The following COLEC10 variants were observed in gnomAD, a reference collection of about 807,000 sequenced individuals.
COLEC10 encodes the protein collectin-10.
A neutral mutation model predicts 28.4 loss-of-function variants in COLEC10; 22 were observed. The ratio of observed to expected loss-of-function variants is 0.78; its 90% CI spans 0.55 to 1.11. The LOEUF (loss-of-function observed/expected upper bound fraction) is 1.11. COLEC10 is among the 50% of genes least tolerant of loss of function. COLEC10 has a pLI of 0.00. For synonymous variants in COLEC10, 125 were observed against 116.1 expected (o/e 1.08, Z -0.49); for missense variants, 361 against 344.1 (o/e 1.05, Z -0.39).
the COLEC10 span, among the ~76,000 whole-genome samples, chr8:118,959,263 G>T: frequency 6.6e-6 from 1 of 152,220 alleles, no homozygotes; most frequent in African/African-American, 2.4e-5. Flanking sequence ...AGCATAGGAT[G>T]AAGATCTGGA....
At chr8:119,032,033 A>T (rs192452975) in intron 2 of COLEC10, among the ~76,000 whole-genome samples, 22 of 152,228 alleles carry the variant, frequency 1.4e-4, no homozygotes, top group African/African-American at 5.1e-4. Flanking sequence ...TCCCCATTTT[A>T]CAGACGGGAA....
At position 119,108,298 on chromosome 8, in the gene COLEC10, A is replaced by T. The variant is rs1186759084; in HGVS notation, c.*2107A>T. On this transcript the variant is annotated 3_prime_UTR_variant, in exon 6 of 6. Coordinates refer to ENST00000332843, the MANE Select transcript of COLEC10 (RefSeq NM_006438.5). ...TAAAGCTCATATGTAAGAAGAGAGG[A>T]AGGAGAGACATGCAGCAAATGTTGC... is the stretch of plus-strand genomic sequence containing the variant. 6.6e-6 allele frequency among the ~76,000 whole-genome samples: 1 copy of T among 152,204 alleles called. No individual in the cohort carries two copies. Among genetic ancestry groups the T allele is most frequent in the Non-Finnish European group, 1.5e-5 (1 of 68,034 alleles).
chr8:119,099,065 T>C (rs1047288447), intron 3 of COLEC10, among the ~76,000 whole-genome samples: 2 of 152,060 alleles, frequency 1.3e-5, no homozygotes, highest in African/African-American at 4.8e-5. Context: ...GTAAATTCCA[T>C]CTCATAGCAA....
At chr8:118,953,270 G>A in the COLEC10 span, among the ~76,000 whole-genome samples, 1 of 152,206 alleles carries the variant, frequency 6.6e-6, no homozygotes, top group Admixed American at 6.5e-5. Context: ...CTCAGTGAGT[G>A]TGGACAAAAT....
chr8:118,974,255 C>G, the COLEC10 span, among the ~76,000 whole-genome samples: 10,429 of 151,756 alleles, frequency 0.069, 632 homozygotes, highest in East Asian at 0.17. Context: ...TAAAAGGAAA[C>G]CTGGAGCAAA....
intron 1 of COLEC10, among the ~76,000 whole-genome samples, chr8:119,072,764 C>T (rs183484985): frequency 2.2e-3 from 331 of 152,262 alleles, no homozygotes; most frequent in African/African-American, 7.3e-3. Flanking sequence ...AAGCTCTGCC[C>T]GGTTGCTGCT....
chr8:118,995,319 G>C (rs749033342), upstream of COLEC10: 1 of 152,160 alleles, frequency 6.6e-6, no homozygotes, highest in Non-Finnish European at 1.5e-5. Flanking sequence ...CACCCAGGCT[G>C]CCAGTAAACT....
At position 119,020,846 on chromosome 8, in the gene COLEC10, T is replaced by C. The variant is rs1281071900; in HGVS notation, n.235+11293T>C. ...CTTAAGAAAATAACCCCTTTTATTA[T>C]GCTATATTTAAATTTATCTAAAAAT... On this transcript the variant is annotated intron_variant and non_coding_transcript_variant, in intron 2 of 6. Transcript: ENST00000521788. 3.9e-5 allele frequency among the ~76,000 whole-genome samples: 6 copies of C among 152,280 alleles called. No individual in the cohort carries two copies. In the East Asian group the frequency reaches 9.6e-4, roughly 24 times the overall value.
At chr8:118,960,313 G>A in the COLEC10 span, among the ~76,000 whole-genome samples, 108 of 152,322 alleles carry the variant, frequency 7.1e-4, no homozygotes, top group African/African-American at 2.6e-3. Context: ...AGGTGCTATT[G>A]TTTTACGGGC....
the COLEC10 span, among the ~76,000 whole-genome samples, chr8:118,960,861 T>C: frequency 1.4e-5 from 2 of 144,368 alleles, no homozygotes; most frequent in Non-Finnish European, 3.0e-5. Context: ...GACCAGACAA[T>C]ATGGATCACC....
the COLEC10 span, among the ~76,000 whole-genome samples, chr8:118,973,614 G>A: frequency 7.2e-5 from 11 of 152,038 alleles, no homozygotes; most frequent in Admixed American, 2.6e-4. Context: ...TCACAGAAGC[G>A]ACATCCCATT....
chr8:119,006,062 T>C (rs1813789410), intron 1 of COLEC10, among the ~76,000 whole-genome samples: 1 of 152,064 alleles, frequency 6.6e-6, no homozygotes, highest in South Asian at 2.1e-4. Flanking sequence ...CATTCATTAA[T>C]GTGACAGTGC....
chr8:119,047,860 A>G (rs886722669), intron 2 of COLEC10, among the ~76,000 whole-genome samples: 3 of 152,190 alleles, frequency 2.0e-5, no homozygotes, highest in African/African-American at 7.2e-5. Flanking sequence ...CTCTCTATAT[A>G]TATGTATGCT....
chr8:118,975,633 G>T, the COLEC10 span, among the ~76,000 whole-genome samples: 1 of 151,988 alleles, frequency 6.6e-6, no homozygotes, highest in African/African-American at 2.4e-5. Context: ...CAGTGGCTTG[G>T]ATTCTTCTTT....
chr8:118,982,599 G>T, the COLEC10 span: 1 of 195,920 alleles, frequency 5.1e-6, no homozygotes, highest in East Asian at 1.2e-4. Flanking sequence ...CTGAAAAGCT[G>T]TCCCATAGTT....
At chr8:118,994,530 G>A (rs1247262938), upstream of COLEC10, among the ~76,000 whole-genome samples, 2 of 152,146 alleles carry the variant, frequency 1.3e-5, no homozygotes, top group Non-Finnish European at 2.9e-5. Flanking sequence ...ACTCACATTA[G>A]GTGCAGTTAT....
At chr8:118,960,221 A>G in the COLEC10 span, among the ~76,000 whole-genome samples, 17 of 152,200 alleles carry the variant, frequency 1.1e-4, 1 homozygote, top group African/African-American at 4.1e-4. Context: ...CTGGGCAGCA[A>G]TGGTGAGAGA....
intron 1 of COLEC10, among the ~76,000 whole-genome samples, chr8:119,089,132 A>G (rs1289965985): frequency 6.6e-6 from 1 of 152,112 alleles, no homozygotes; most frequent in Non-Finnish European, 1.5e-5. Context: ...TGTTCATTAA[A>G]CCATTCATTC....
At position 119,089,682 on chromosome 8, in the gene COLEC10, G is replaced by C; in HGVS notation, c.151G>C (p.Asp51His). Residue 51 changes from aspartate (D) to histidine (H), a missense_variant and splice_region_variant, in exon 2 of 6, where the codon GAT becomes CAT. Physicochemically the swap from Asp to His is moderately conservative, Grantham distance 81 (BLOSUM62 -1). Around this residue, in one of 3 missense-constraint regions of COLEC10, gnomAD observed 335 missense variants for 308.5 expected, o/e 1.09. Coordinates refer to ENST00000332843, the MANE Select transcript of COLEC10 (RefSeq NM_006438.5). ...THTISPGPKGDDGEKGDPGEE... is the reference protein window; with the variant it reads ...THTISPGPKGHDGEKGDPGEE... ...TATCTCATTTTCTGTTTCAAAAGGA[G>C]ATGATGGTGAAAAAGGAGATCCAGG... 3.1e-6 allele frequency: 5 copies of C among 1,612,788 alleles called. No individual in the cohort carries two copies. The highest frequency in any genetic ancestry group is 4.2e-6 in the Non-Finnish European group (5 of 1,179,016).
Sources: allele counts gnomAD v4.1 joint callset (sites outside exome capture counted in the v4.1 genomes callset), GRCh38; gene constraint gnomAD v4.1.1; regional missense constraint gnomAD v4.1.1; transcripts MANE v1.5; gene names NCBI Gene and HGNC (gene_info 2026-07-23, HGNC 2026-07-21).